Variants in TRIM22 observed in about 807,000 individuals in gnomAD.
The protein encoded by TRIM22 is E3 ubiquitin-protein ligase TRIM22.
Under a neutral mutation model 53.6 loss-of-function variants are expected in TRIM22, and 45 were observed. That is an observed-to-expected ratio of 0.84 (90% CI 0.66 to 1.08). The LOEUF is 1.08. Among genes scored for constraint, TRIM22 ranks in the 50% least tolerant of loss-of-function variants. The probability of loss-of-function intolerance (pLI) is 0.00; values close to 1 mark genes in which losing one functional copy is unlikely to be tolerated. For synonymous variants in TRIM22, 225 were observed against 216.6 expected, an observed-to-expected ratio of 1.04 and a Z score of -0.34; for missense variants, 616 against 590.9, an observed-to-expected ratio of 1.04 and a Z score of -0.44.
intron 1 of TRIM22, among the ~76,000 whole-genome samples, chr11:5,694,100 G>A (rs562204034): frequency 1.3e-5 from 2 of 152,324 alleles, no homozygotes; most frequent in South Asian, 4.1e-4. Context: ...CTACCCTAAT[G>A]AGCACATGGT....
chr11:5,702,867 C>T (rs548490821), intron 4 of TRIM22, among the ~76,000 whole-genome samples: 21 of 152,078 alleles, frequency 1.4e-4, no homozygotes, highest in Admixed American at 2.6e-4. Context: ...TTCATTATTG[C>T]GGGACAAAAT....
At chr11:5,706,819 C>T (rs1438390548) in intron 5 of TRIM22, among the ~76,000 whole-genome samples, 1 of 152,170 alleles carries the variant, frequency 6.6e-6, no homozygotes. Context: ...TTAGGGTCGA[C>T]GGAGGCCTTA....
chr11:5,699,554 A>G (rs1218918497), intron 4 of TRIM22, among the ~76,000 whole-genome samples: 1 of 121,892 alleles, frequency 8.2e-6, no homozygotes, highest in Non-Finnish European at 1.7e-5. Flanking sequence ...AAAAAAAAAA[A>G]AAAAAAAAAA....
chr11:5,709,592 T>C lies in TRIM22; in HGVS notation c.1441T>C (p.Tyr481His). 3.7e-6 allele frequency: 6 copies of C among 1,612,944 alleles called. No homozygotes were observed. The highest frequency in any genetic ancestry group is 5.1e-6 in the Non-Finnish European group (6 of 1,180,030). ...GCRFSRPAYP[Y>H]FNPWNCLVPM... ...TCGCTTTTCTCGACCTGCTTATCCG[T>C]ATTTCAATCCTTGGAACTGCCTAGT... Residue 481 changes from tyrosine (Y) to histidine (H), a missense_variant, in exon 8 of 8, where the codon TAT becomes CAT. By Grantham distance (83) the Tyr-to-His change is moderately conservative (BLOSUM62 2). Transcript: ENST00000379965.
chr11:5,709,055 G>T lies in TRIM22; in HGVS notation c.904G>T (p.Asp302Tyr). The T allele has an allele frequency of 1.2e-6, 2 of 1,611,078 alleles. No homozygotes were observed. The highest frequency in any genetic ancestry group is 1.7e-6 in the Non-Finnish European group (2 of 1,177,478). ...TGACTTGGTAATTTTTTCTACAGTGGACGTGATGCTGAATCCAGGCAGTGC... is the reference window on the plus strand; with the variant it reads ...TGACTTGGTAATTTTTTCTACAGTGTACGTGATGCTGAATCCAGGCAGTGC... The part of the protein sequence containing the change: ...ELTDVQYYWV[D>Y]VMLNPGSATS... Residue 302 changes from aspartate to tyrosine, a missense_variant and splice_region_variant, in exon 8 of 8, where the codon GAC becomes TAC. Transcript: ENST00000379965.
chr11:5,696,461 A>G lies in TRIM22; in HGVS notation c.229A>G (p.Ile77Val), dbSNP rs1853262052. The G allele has an allele frequency of 1.9e-6, 3 of 1,614,146 alleles. No individual in the cohort carries two copies. Among genetic ancestry groups the G allele is most frequent in the Non-Finnish European group, 1.7e-6 (2 of 1,180,058 alleles). ...NLRPNRHLAN[I>V]VERVKEVKMS... ...CCGACCTAATCGGCATCTGGCCAAC[A>G]TAGTTGAGAGAGTCAAAGAGGTCAA... Residue 77 changes from isoleucine (I) to valine (V), a missense_variant, in exon 2 of 8, where the codon ATA (isoleucine) becomes GTA (valine). Physicochemically the swap from Ile to Val is conservative, Grantham distance 29 (BLOSUM62 3). Coordinates refer to ENST00000379965, the MANE Select transcript of TRIM22 (RefSeq NM_006074.5).
chr11:5,702,145 C>T (rs997414002), intron 4 of TRIM22, among the ~76,000 whole-genome samples: 18 of 142,420 alleles, frequency 1.3e-4, no homozygotes, highest in Admixed American at 2.8e-4. Context: ...ATATACATAA[C>T]GAATATATAT....
intron 1 of TRIM22, among the ~76,000 whole-genome samples, chr11:5,695,291 G>T (rs1329510714): frequency 6.6e-6 from 1 of 152,152 alleles, no homozygotes; most frequent in Non-Finnish European, 1.5e-5. Flanking sequence ...ATGTAAGAGT[G>T]AGTCTTGCTA....
chr11:5,709,458 T>C lies in TRIM22; in HGVS notation c.1307T>C (p.Met436Thr), dbSNP rs767553352. The C allele has an allele frequency of 1.9e-6, 3 of 1,614,258 alleles. No homozygotes were observed. The highest frequency in any genetic ancestry group is 1.1e-5 in the South Asian group (1 of 91,092). ...GATCCCAAGGTTTTGACTCTCTTTA[T>C]GGCTGTGCCTCCCTGTCGTATTGGG... ...SSDPKVLTLF[M>T]AVPPCRIGVF... Residue 436 changes from methionine to threonine, a missense_variant, in exon 8 of 8, where the codon ATG becomes ACG. By Grantham distance (81) the Met-to-Thr change is moderately conservative (BLOSUM62 -1). Transcript: ENST00000379965.
chr11:5,691,203 C>T (rs995669853), intron 1 of TRIM22: 2 of 152,230 alleles, frequency 1.3e-5, no homozygotes, highest in African/African-American at 4.8e-5. Flanking sequence ...TTTATTCGGC[C>T]AGGGGCATAG....
chr11:5,704,830 T>C (rs555789628), intron 4 of TRIM22, among the ~76,000 whole-genome samples: 1 of 152,352 alleles, frequency 6.6e-6, no homozygotes, highest in Non-Finnish European at 1.5e-5. Flanking sequence ...AATGTTATTG[T>C]AGCCATTGTA....
chr11:5,690,365 G>T (rs1248492626), intron 1 of TRIM22, among the ~76,000 whole-genome samples: 1 of 152,164 alleles, frequency 6.6e-6, no homozygotes, highest in Non-Finnish European at 1.5e-5. Flanking sequence ...TTCCCCATTG[G>T]CTGGAGTCGG....
In TRIM22 at chr11:5,696,185, C is replaced by A; in HGVS notation, c.-48C>A. 3 of 1,544,520 alleles carry A rather than the reference C, an allele frequency of 1.9e-6. No individual in the cohort carries two copies. The highest frequency in any genetic ancestry group is 2.0e-5 in the Admixed American group (1 of 50,132). On this transcript the variant is annotated 5_prime_UTR_variant, in exon 2 of 8. Transcript: ENST00000379965. ...TTCTCAGCACTGCAGGAGTTTGTGA[C>A]CAAGAACTTCAAGAGTCAAGACAGA...
intron 4 of TRIM22, among the ~76,000 whole-genome samples, chr11:5,702,211 A>G (rs919526521): frequency 6.9e-6 from 1 of 145,352 alleles, no homozygotes; most frequent in African/African-American, 2.5e-5. Flanking sequence ...TTATATATAC[A>G]TAACTAGTAT....
rs200243523 is a variant in TRIM22 at position 5,709,226 on chromosome 11, G to A, written c.1075G>A (p.Val359Ile). Residue 359 changes from valine to isoleucine, a missense_variant, in exon 8 of 8, where the codon GTA (valine) becomes ATA (isoleucine). Transcript: ENST00000379965. ...YFSSGKYYWE[V>I]DVSGKIAWIL... ...CTCTTCGGGGAAATATTACTGGGAAGTAGATGTGTCTGGAAAGATTGCCTG... is the reference window on the plus strand; with the variant it reads ...CTCTTCGGGGAAATATTACTGGGAAATAGATGTGTCTGGAAAGATTGCCTG... 413 of 1,614,192 alleles carry A rather than the reference G, an allele frequency of 2.6e-4. No individual in the cohort carries two copies. The African/African-American group carries it at 4.7e-3, about 18-fold the overall frequency.
intron 1 of TRIM22, among the ~76,000 whole-genome samples, chr11:5,691,970 ATTT>A (rs1853179888): frequency 6.6e-6 from 1 of 152,178 alleles, no homozygotes; most frequent in African/African-American, 2.4e-5. Flanking sequence ...TTTGAAAAAT[ATTT>A]TTGACTAAAT....
intron 4 of TRIM22, among the ~76,000 whole-genome samples, chr11:5,700,906 C>T (rs2133262): frequency 0.012 from 1,781 of 151,504 alleles, 40 homozygotes; most frequent in African/African-American, 0.041. Flanking sequence ...TTTGCTGAGA[C>T]TTTTTATCAT....
chr11:5,690,820 G>A (rs888112286), intron 1 of TRIM22, among the ~76,000 whole-genome samples: 2 of 152,164 alleles, frequency 1.3e-5, no homozygotes, highest in Admixed American at 1.3e-4. Context: ...TTTTCATAAA[G>A]CAACCTCATG....
chr11:5,704,956 G>C (rs1203196961), intron 4 of TRIM22, among the ~76,000 whole-genome samples: 2 of 152,294 alleles, frequency 1.3e-5, no homozygotes, highest in South Asian at 4.1e-4. Context: ...AGACGTGGCA[G>C]ACAGCTGAGG....
Sources: allele counts gnomAD v4.1 joint callset (sites outside exome capture counted in the v4.1 genomes callset), GRCh38; gene constraint gnomAD v4.1.1; transcripts MANE v1.5; gene names NCBI Gene and HGNC (gene_info 2026-07-23, HGNC 2026-07-21).